The following CMBL variants were observed in gnomAD, a reference collection of about 807,000 sequenced individuals.
CMBL encodes carboxymethylenebutenolidase homolog.
A neutral mutation model predicts 28.7 loss-of-function variants in CMBL; 17 were observed. That is an observed-to-expected ratio of 0.59 (90% CI 0.41 to 0.89). The LOEUF (loss-of-function observed/expected upper bound fraction) is 0.89. CMBL is among the 40% of genes least tolerant of loss of function. The probability of loss-of-function intolerance (pLI) is 0.00; values close to 1 mark genes in which losing one functional copy is unlikely to be tolerated. For missense variants in CMBL, 310 were observed against 298.5 expected (o/e 1.04, Z -0.28); for synonymous variants, 106 against 101.6 (o/e 1.04, Z -0.26).
At chr5:10,304,865 T>G (rs1028418350) in intron 1 of CMBL, among the ~76,000 whole-genome samples, 1 of 152,132 alleles carries the variant, frequency 6.6e-6, no homozygotes, top group Non-Finnish European at 1.5e-5. Context: ...GATCTGCCAC[T>G]TACTCCTAAA....
Position 10,289,686 on chromosome 5 carries a change from C to T in CMBL, c.215+862G>A, listed in dbSNP as rs1746669378. 1.3e-5 allele frequency among the ~76,000 whole-genome samples: 2 copies of T among 152,086 alleles called. No individual in the cohort carries two copies. Among genetic ancestry groups the T allele is most frequent in the Admixed American group, 6.5e-5 (1 of 15,270 alleles). ...ACTTATTTATTTTTACTGGGCTTGC[C>T]CCTAGAAAGTTAAGTCCCCTCACAT... On this transcript the variant is annotated intron_variant, in intron 2 of 5. Transcript: ENST00000296658. This position sits in a 1 kb window ranked among gnomAD's most constrained non-coding sequence, Gnocchi z 4.3.
chr5:10,289,348 G>A lies in CMBL; in HGVS notation c.216-819C>T, dbSNP rs1171474834. 1.3e-5 allele frequency among the ~76,000 whole-genome samples: 2 copies of A among 152,128 alleles called. No homozygotes were observed. The highest frequency in any genetic ancestry group is 1.9e-4 in the East Asian group (1 of 5,180). On this transcript the variant is annotated intron_variant, in intron 2 of 5. Coordinates refer to ENST00000296658, the MANE Select transcript of CMBL (RefSeq NM_138809.4). This position sits in a 1 kb window ranked among gnomAD's most constrained non-coding sequence, Gnocchi z 4.3. Reference sequence around the variant, plus strand: ...CTGCCTAACCCCAGAGGATCCTCTCGAGGGCAAAAAAAGTTGTATACCTGT... The same window carrying A: ...CTGCCTAACCCCAGAGGATCCTCTCAAGGGCAAAAAAAGTTGTATACCTGT...
At chr5:10,301,147 G>T (rs1746891192) in intron 1 of CMBL, among the ~76,000 whole-genome samples, 1 of 152,022 alleles carries the variant, frequency 6.6e-6, no homozygotes, top group Admixed American at 6.6e-5. Flanking sequence ...AAAAAGTTTT[G>T]ATTTGAAGTA....
chr5:10,298,553 T>C (rs868248522), intron 1 of CMBL, among the ~76,000 whole-genome samples: 7 of 152,238 alleles, frequency 4.6e-5, no homozygotes, highest in South Asian at 2.1e-4. Flanking sequence ...GATATCATGA[T>C]GTACCCACAG....
At chr5:10,298,064 G>A (rs552807774) in intron 1 of CMBL, among the ~76,000 whole-genome samples, 47 of 151,542 alleles carry the variant, frequency 3.1e-4, no homozygotes, top group Non-Finnish European at 4.4e-4. Flanking sequence ...AAGAGCAGGC[G>A]CAGAGCAGGC....
intron 1 of CMBL, among the ~76,000 whole-genome samples, chr5:10,293,441 A>G (rs566114972): frequency 6.6e-6 from 1 of 152,310 alleles, no homozygotes; most frequent in South Asian, 2.1e-4. Flanking sequence ...GGTCTCCATT[A>G]TAAGGACATT....
intron 1 of CMBL, among the ~76,000 whole-genome samples, chr5:10,297,967 G>A (rs1746837499): frequency 6.6e-6 from 1 of 152,192 alleles, no homozygotes; most frequent in African/African-American, 2.4e-5. Context: ...GACGAGGGCT[G>A]GGGAGAGGAT....
At chr5:10,297,334 C>T (rs1005251604) in intron 1 of CMBL, among the ~76,000 whole-genome samples, 4 of 151,962 alleles carry the variant, frequency 2.6e-5, no homozygotes, top group African/African-American at 4.8e-5. Flanking sequence ...CTTTGGGAGA[C>T]GGAGGCAGGT....
chr5:10,302,821 C>A (rs967795376), intron 1 of CMBL, among the ~76,000 whole-genome samples: 3 of 152,150 alleles, frequency 2.0e-5, no homozygotes, highest in Non-Finnish European at 2.9e-5. Flanking sequence ...TATTTTACCC[C>A]AAAATATTTT....
At chr5:10,296,778 G>A (rs572192308) in intron 1 of CMBL, among the ~76,000 whole-genome samples, 2 of 152,318 alleles carry the variant, frequency 1.3e-5, no homozygotes, top group Admixed American at 6.5e-5. Context: ...GGAGAACAAT[G>A]AATGCTGAGT....
intron 5 of CMBL, among the ~76,000 whole-genome samples, chr5:10,281,346 T>C (rs758386366): frequency 3.3e-5 from 5 of 152,296 alleles, no homozygotes; most frequent in East Asian, 1.9e-4. Flanking sequence ...GGCTCCCAAA[T>C]AGCTGGGACT....
intron 3 of CMBL, 43 bp from the exon 4 acceptor site, chr5:10,286,539 G>A (rs1287009605): frequency 6.3e-7 from 1 of 1,584,928 alleles, no homozygotes; most frequent in African/African-American, 1.3e-5. Flanking sequence ...GGCTTATTTT[G>A]TGAACCCCTC....
intron 1 of CMBL, among the ~76,000 whole-genome samples, chr5:10,298,919 A>G (rs548084363): frequency 1.3e-5 from 2 of 152,166 alleles, no homozygotes; most frequent in Non-Finnish European, 2.9e-5. Flanking sequence ...AAAACCCAAA[A>G]TAGCTCCATG....
At chr5:10,306,910 C>T (rs11738492) in intron 1 of CMBL, among the ~76,000 whole-genome samples, 77,549 of 151,528 alleles carry the variant, frequency 0.51, 21,237 homozygotes, top group Non-Finnish European at 0.63. Context: ...CAGGATTCCC[C>T]GGATACCGGC....
At position 10,278,216 on chromosome 5, in the gene CMBL, T is replaced by C. The variant is rs1211070645; in HGVS notation, c.*2237A>G. Among the ~76,000 whole-genome samples, 1 of 152,224 alleles carries C rather than the reference T, an allele frequency of 6.6e-6. No homozygotes were observed. Among genetic ancestry groups the C allele is most frequent in the East Asian group, 1.9e-4 (1 of 5,192 alleles). On this transcript the variant is annotated 3_prime_UTR_variant, in exon 6 of 6. Coordinates refer to ENST00000296658, the MANE Select transcript of CMBL (RefSeq NM_138809.4). The stretch of plus-strand genomic sequence containing the variant: ...GAATTTTATGTTTCCTGAGCATCTA[T>C]TTGAATGTAAGTTGGACTTTCTCAT...
intron 1 of CMBL, among the ~76,000 whole-genome samples, chr5:10,299,676 C>CA (rs56874867): frequency 0.086 from 10,725 of 124,768 alleles, 651 homozygotes; most frequent in African/African-American, 0.19. Context: ...CCCATCTCTC[C>CA]AAAAAAAAAA....
At chr5:10,301,183 C>T (rs13359758) in intron 1 of CMBL, among the ~76,000 whole-genome samples, 92,390 of 151,878 alleles carry the variant, frequency 0.61, 29,466 homozygotes, top group Non-Finnish European at 0.71. Flanking sequence ...TATTATCTTT[C>T]AAATATGGGT....
intron 1 of CMBL, among the ~76,000 whole-genome samples, chr5:10,298,246 C>G (rs1746841807): frequency 6.6e-6 from 1 of 152,016 alleles, no homozygotes; most frequent in Admixed American, 6.6e-5. Flanking sequence ...GGCTAGAAAT[C>G]TAAGTAGGAA....
intron 1 of CMBL, among the ~76,000 whole-genome samples, chr5:10,304,963 T>C (rs922179101): frequency 6.6e-6 from 1 of 152,226 alleles, no homozygotes; most frequent in Non-Finnish European, 1.5e-5. Context: ...GAGGCACTTT[T>C]TACAAATGAT....
Sources: gnomAD v4.1 joint callset for allele counts (sites outside exome capture counted in the v4.1 genomes callset) on GRCh38, gnomAD v4.1.1 for gene constraint, Gnocchi (gnomAD v3.1) non-coding constraint, MANE v1.5 for transcripts, NCBI Gene and HGNC (gene_info 2026-07-23, HGNC 2026-07-21) for gene names.